The following CCNG2 variants were observed in gnomAD, a reference collection of about 807,000 sequenced individuals.
CCNG2 encodes cyclin G2.
In CCNG2, 20 loss-of-function variants were observed where a neutral mutation model predicts 36.5. That is an observed-to-expected ratio of 0.55 (90% CI 0.39 to 0.80). CCNG2 has a LOEUF of 0.80. CCNG2 is among the 30% of genes least tolerant of loss of function. CCNG2 has a pLI of 0.00. For synonymous variants in CCNG2, 155 were observed against 140.1 expected (o/e 1.11, Z -0.75); for missense variants, 358 against 390.8 (o/e 0.92, Z 0.71).
rs770644415 is a variant in CCNG2, at chr4:77,159,435, T to C, written c.207T>C (p.Phe69=). 82 of 1,613,942 alleles carry C rather than the reference T, an allele frequency of 5.1e-5. No individual in the cohort carries two copies. The highest frequency in any genetic ancestry group is 1.6e-4 in the Middle Eastern group (1 of 6,082). ...KVEDLRSLAN[F]FGSCTETFVL... is the part of the protein sequence containing the mutation. ...AAGATTTAAGGAGTTTAGCCAACTT[T>C]TTTGGATCTTGCACTGAAACTTTTG... Residue 69 remains phenylalanine (F), a synonymous_variant, in exon 3 of 8, where the codon TTT becomes TTC. Coordinates refer to ENST00000316355, the MANE Select transcript of CCNG2 (RefSeq NM_004354.3).
intron 2 of CCNG2, among the ~76,000 whole-genome samples, chr4:77,159,017 C>A (rs2109915126): frequency 6.6e-6 from 1 of 152,320 alleles, no homozygotes; most frequent in South Asian, 2.1e-4. Flanking sequence ...ATAGTAGAAT[C>A]TTAAATGACT....
At position 77,167,596 on chromosome 4, in the gene CCNG2, C is replaced by T. The variant is rs530778258; in HGVS notation, c.*1672C>T. 2.0e-5 allele frequency: 3 copies of T among 152,270 alleles called. No homozygotes were observed. The highest frequency in any genetic ancestry group is 4.1e-4 in the South Asian group (2 of 4,824). 9.4% of individuals were successfully genotyped at this position (152,270 alleles called of 1,614,324 possible). ...TATGGGGTGTTCGCTGTGATAGGGC[C>T]CCGCCAGCTTCTGGCTCTTGTGGAC... On this transcript the variant is annotated 3_prime_UTR_variant, in exon 8 of 8. Transcript: ENST00000316355.
intron 6 of CCNG2, 46 bp from the exon 7 acceptor site, chr4:77,164,228 G>C: frequency 6.9e-7 from 1 of 1,442,284 alleles, no homozygotes; most frequent in Non-Finnish European, 9.7e-7. Flanking sequence ...GGTGCAGCAA[G>C]ATTTGGGAGA....
intron 1 of CCNG2, chr4:77,158,218 C>A: frequency 8.7e-6 from 3 of 346,138 alleles, no homozygotes; most frequent in Non-Finnish European, 1.6e-5. Context: ...GGCGCGACTT[C>A]AGGTGGGGCA....
intron 6 of CCNG2, among the ~76,000 whole-genome samples, chr4:77,163,023 AT>A (rs1374270728): frequency 6.6e-6 from 1 of 152,118 alleles, no homozygotes. Context: ...GGAGAAGTTA[AT>A]TTGTGATGAG....
At chr4:77,158,438 G>A in intron 1 of CCNG2, 95 bp from the exon 2 acceptor site, 1 of 1,276,360 alleles carries the variant, frequency 7.8e-7, no homozygotes, top group East Asian at 2.3e-5. Context: ...GTGCTGGGGC[G>A]ACCCTTGCTG....
In CCNG2 at chr4:77,160,535, G is replaced by A. The variant is rs549303008; in HGVS notation, c.277-186G>A. 4.7e-5 allele frequency among the ~76,000 whole-genome samples: 7 copies of A among 148,970 alleles called. No homozygotes were observed. The East Asian group carries it at 5.9e-4, about 13-fold the overall frequency. On this transcript the variant is annotated intron_variant, in intron 3 of 7. Transcript: ENST00000316355. ...GTTCCCTGCTGCCTTTTTTTTTGGG[G>A]GGGGGGGGAGGTCGAGAACGTCTAA... is the stretch of plus-strand genomic sequence containing the variant.
chr4:77,162,226 C>T (rs568589259), intron 6 of CCNG2, among the ~76,000 whole-genome samples: 1 of 152,248 alleles, frequency 6.6e-6, no homozygotes, highest in African/African-American at 2.4e-5. Flanking sequence ...GTCTTACCAT[C>T]ACAAAGAGAT....
rs4150086 is a variant in CCNG2, at chr4:77,164,408, C to G, written c.840C>G (p.Leu280=). 38 of 1,613,932 alleles carry G rather than the reference C, an allele frequency of 2.4e-5. No homozygotes were observed. The highest frequency in any genetic ancestry group is 3.1e-5 in the Non-Finnish European group (37 of 1,179,992). Residue 280 remains leucine, a synonymous_variant, in exon 7 of 8, where the codon CTC becomes CTG. Transcript: ENST00000316355. ...TTTCAAGGCGCACAGCCCAGAACCT[C>G]CACAACAGCTACTATAGTGTTCCTG... ...WIVSRRTAQN[L]HNSYYSVPEL...
intron 4 of CCNG2, 127 bp downstream of exon 4, chr4:77,161,098 T>TA: frequency 1.1e-4 from 63 of 552,732 alleles, no homozygotes; most frequent in Non-Finnish European, 1.6e-4. Context: ...TATTGGTAAA[T>TA]CTTTTTTTTT....
At chr4:77,161,298 T>C (rs4150068) in intron 4 of CCNG2, among the ~76,000 whole-genome samples, 182 bp from the exon 5 acceptor site, 4,062 of 152,116 alleles carry the variant, frequency 0.027, 163 homozygotes, top group African/African-American at 0.084. Context: ...GACAGGGTTT[T>C]TCCATGTTGG....
intron 2 of CCNG2, 136 bp from the exon 3 acceptor site, chr4:77,159,231 C>T (rs1731360051): frequency 1.4e-6 from 1 of 695,132 alleles, no homozygotes. Context: ...ACTCTTTCCA[C>T]CTATATTCTT....
rs1334123914 is a variant in CCNG2 at position 77,164,304 on chromosome 4, G to C, written c.736G>C (p.Glu246Gln). ...INDTEFFYWR[E>Q]LVSKCLAEYS... Reference sequence around the variant, plus strand: ...TGACACTGAGTTCTTCTACTGGAGAGAGTTGGTTTCTAAATGCCTAGCCGA... The same window carrying C: ...TGACACTGAGTTCTTCTACTGGAGACAGTTGGTTTCTAAATGCCTAGCCGA... The change falls in exon 7 of 8, where the codon GAG becomes CAG. Residue 246 changes from glutamate (E) to glutamine (Q), a missense_variant. By Grantham distance (29) the Glu-to-Gln change is conservative. Coordinates refer to ENST00000316355, the MANE Select transcript of CCNG2 (RefSeq NM_004354.3). The C allele has an allele frequency of 3.7e-5, 59 of 1,613,778 alleles. No individual in the cohort carries two copies. Among genetic ancestry groups the C allele is most frequent in the Non-Finnish European group, 4.8e-5 (57 of 1,179,884 alleles).
At chr4:77,158,298 G>C (rs1731327000) in intron 1 of CCNG2, 2 of 542,096 alleles carry the variant, frequency 3.7e-6, no homozygotes, top group African/African-American at 3.8e-5. Flanking sequence ...GGGCTGGCCG[G>C]TCTTACCCAG....
Position 77,167,769 on chromosome 4 carries a change from CCT to C in CCNG2, c.*1848_*1849del, listed in dbSNP as rs1731663627. The C allele has an allele frequency of 1.3e-5, 2 of 152,082 alleles. No individual in the cohort carries two copies. The highest frequency in any genetic ancestry group is 1.3e-4 in the Admixed American group (2 of 15,270). The allele number at this position is 152,082 out of a possible 1,614,324, so 9.4% of individuals were successfully genotyped here. On this transcript the variant is annotated 3_prime_UTR_variant, in exon 8 of 8. Coordinates refer to ENST00000316355, the MANE Select transcript of CCNG2 (RefSeq NM_004354.3). ...CACTGAATATGGTTTTCATGTAACA[CCT>C]CTTCTCTGGAGATAGGGGTATGTTT...
At position 77,161,570 on chromosome 4, in the gene CCNG2, CCTTG is replaced by C. The variant is rs775412839; in HGVS notation, c.606+16_606+19del. The C allele has an allele frequency of 3.3e-5, 53 of 1,601,468 alleles. No homozygotes were observed. The highest frequency in any genetic ancestry group is 6.9e-5 in the Admixed American group (4 of 58,204). ...TTTCAAAAGCAAAAGTAAGTCGATT[CCTTG>C]CTTATGTATATATCTCACAGTTTGT... On this transcript the variant is annotated intron_variant, in intron 5 of 7. Coordinates refer to ENST00000316355, the MANE Select transcript of CCNG2 (RefSeq NM_004354.3).
chr4:77,161,858 G>T (rs572923745), intron 6 of CCNG2, 111 bp downstream of exon 6: 33 of 661,878 alleles, frequency 5.0e-5, no homozygotes, highest in Non-Finnish European at 7.6e-5. Flanking sequence ...TTTTACACTT[G>T]TTTTTTTTCT....
Position 77,161,099 on chromosome 4 carries a change from C to CTTTTTTTTTTTTTTT in CCNG2, c.527+133_527+147dup, listed in dbSNP as rs34505988. 7 of 274,578 alleles carry CTTTTTTTTTTTTTTT rather than the reference C, an allele frequency of 2.5e-5. 1 individual carries two copies. Among genetic ancestry groups the CTTTTTTTTTTTTTTT allele is most frequent in the African/African-American group, 1.6e-4 (5 of 31,520 alleles). The allele number at this position is 274,578 out of a possible 1,614,324, so 17.0% of individuals were successfully genotyped here. ...TTCAACTTTGACTTTATTGGTAAAT[C>CTTTTTTTTTTTTTTT]TTTTTTTTTTTTTTTTTTTGGAGAA... On this transcript the variant is annotated intron_variant, in intron 4 of 7. Transcript: ENST00000316355.
chr4:77,160,671 G>T, intron 3 of CCNG2, 50 bp from the exon 4 acceptor site: 1 of 1,578,782 alleles, frequency 6.3e-7, no homozygotes. Flanking sequence ...CTAAGTATCT[G>T]CTAAGTCAAA....
Sources: allele counts gnomAD v4.1 joint callset (sites outside exome capture counted in the v4.1 genomes callset), GRCh38; gene constraint gnomAD v4.1.1; transcripts MANE v1.5; gene names NCBI Gene and HGNC (gene_info 2026-07-23, HGNC 2026-07-21).